ANO10: variants seen among roughly 807,000 people sequenced by gnomAD.
ANO10 encodes the protein anoctamin 10.
ANO10 carries 77 observed loss-of-function variants against 74.7 expected under a neutral mutation model. The ratio of observed to expected loss-of-function variants is 1.03; its 90% CI spans 0.86 to 1.25. ANO10 has a LOEUF of 1.25. Among genes scored for constraint, ANO10 ranks in the 50% most tolerant of loss-of-function variants. The pLI is 0.00. For synonymous variants in ANO10, 279 were observed against 284.9 expected (o/e 0.98, Z 0.21); for missense variants, 721 against 778.1 (o/e 0.93, Z 0.87).
intron 8 of ANO10, among the ~76,000 whole-genome samples, chr3:43,563,639 G>A (rs1317726808): frequency 6.6e-6 from 1 of 152,094 alleles, no homozygotes; most frequent in African/African-American, 2.4e-5. Context: ...GGAAAATGTG[G>A]TATATATACA....
At chr3:43,529,904 A>G (rs1232772433) in intron 11 of ANO10, among the ~76,000 whole-genome samples, 1 of 152,174 alleles carries the variant, frequency 6.6e-6, no homozygotes, top group Admixed American at 6.5e-5. Context: ...ACATAAAATA[A>G]TATGATAAAG....
At chr3:43,385,826 T>C (rs961923550) in intron 12 of ANO10, among the ~76,000 whole-genome samples, 14 of 151,744 alleles carry the variant, frequency 9.2e-5, no homozygotes, top group Admixed American at 3.3e-4. Flanking sequence ...AGTGCTCAGG[T>C]GATGGGTGCA....
At chr3:43,524,950 T>C (rs1475754352) in intron 11 of ANO10, among the ~76,000 whole-genome samples, 1 of 152,102 alleles carries the variant, frequency 6.6e-6, no homozygotes, top group South Asian at 2.1e-4. Context: ...ACCACTGCAG[T>C]TACCACCTAA....
chr3:43,679,710 T>C (rs1470188740), intron 1 of ANO10, among the ~76,000 whole-genome samples: 1 of 152,154 alleles, frequency 6.6e-6, no homozygotes, highest in Admixed American at 6.5e-5. Context: ...AGACTGTCAC[T>C]TCACACGGCC....
intron 11 of ANO10, among the ~76,000 whole-genome samples, chr3:43,515,394 A>ACT (rs2077669161): frequency 6.6e-6 from 1 of 152,136 alleles, no homozygotes; most frequent in South Asian, 2.1e-4. Context: ...GTAGCCCAGC[A>ACT]CTCACATCAT....
intron 12 of ANO10, among the ~76,000 whole-genome samples, chr3:43,403,331 C>T (rs189611791): frequency 6.6e-6 from 1 of 152,366 alleles, no homozygotes; most frequent in East Asian, 1.9e-4. Context: ...TTTCTCCTTC[C>T]TCCACACTGG....
At chr3:43,500,745 A>G (rs1416032439) in intron 11 of ANO10, among the ~76,000 whole-genome samples, 1 of 152,182 alleles carries the variant, frequency 6.6e-6, no homozygotes. Flanking sequence ...CACAAACACA[A>G]CCATTACAGA....
intron 11 of ANO10, among the ~76,000 whole-genome samples, chr3:43,481,607 A>C (rs776132206): frequency 4.6e-5 from 7 of 152,158 alleles, no homozygotes; most frequent in Non-Finnish European, 8.8e-5. Context: ...GACTGACAGA[A>C]ATGATAGGAA....
chr3:43,681,842 C>T (rs1272907022), intron 1 of ANO10, among the ~76,000 whole-genome samples: 3 of 152,030 alleles, frequency 2.0e-5, no homozygotes, highest in South Asian at 2.1e-4. Flanking sequence ...GGGTACATAA[C>T]GAAATGAAGG....
chr3:43,412,339 C>T lies in ANO10; in HGVS notation c.1914+20272G>A, dbSNP rs76947522. ...GATATCAGAGGCAGATCAGGAATGC[C>T]GATGCAGTCGGTTTTAGGAGAATGA... On this transcript the variant is annotated intron_variant, in intron 12 of 12. Coordinates refer to ENST00000292246, the MANE Select transcript of ANO10 (RefSeq NM_018075.5). 5.9e-3 allele frequency among the ~76,000 whole-genome samples: 901 copies of T among 152,122 alleles called. 5 individuals are homozygous for T. Among genetic ancestry groups the T allele is most frequent in the African/African-American group, 0.02 (848 of 41,484 alleles).
At chr3:43,605,921 T>A in intron 1 of ANO10, 58 bp from the exon 2 acceptor site, 1 of 1,565,274 alleles carries the variant, frequency 6.4e-7, no homozygotes. Flanking sequence ...AAGAGAAATA[T>A]GCTATAGACT....
At chr3:43,369,062 A>G (rs939943702) in intron 12 of ANO10, among the ~76,000 whole-genome samples, 28 of 57,398 alleles carry the variant, frequency 4.9e-4, no homozygotes, top group African/African-American at 7.4e-4. Context: ...CACAGTAGCC[A>G]GGGTGGATGG....
At chr3:43,544,555 G>C (rs1157964512) in intron 11 of ANO10, among the ~76,000 whole-genome samples, 1 of 152,228 alleles carries the variant, frequency 6.6e-6, no homozygotes, top group East Asian at 1.9e-4. Flanking sequence ...CACTTTGGGA[G>C]GCTGAGGCAG....
intron 12 of ANO10, among the ~76,000 whole-genome samples, chr3:43,404,158 G>T (rs1449281647): frequency 6.6e-6 from 1 of 152,176 alleles, no homozygotes; most frequent in African/African-American, 2.4e-5. Context: ...TTAAAAGAGG[G>T]CCTCAGCTGT....
At chr3:43,683,419 G>A (rs1188918914) in intron 1 of ANO10, among the ~76,000 whole-genome samples, 1 of 152,142 alleles carries the variant, frequency 6.6e-6, no homozygotes, top group Non-Finnish European at 1.5e-5. Context: ...ACTGCTCAAT[G>A]AAACAAAAGA....
intron 12 of ANO10, among the ~76,000 whole-genome samples, chr3:43,372,160 C>T (rs956343660): frequency 6.6e-6 from 1 of 152,170 alleles, no homozygotes; most frequent in Non-Finnish European, 1.5e-5. Context: ...CCCAGCCAGC[C>T]TTTCTCCCAG....
intron 1 of ANO10, chr3:43,638,658 G>C (rs1394731738): frequency 6.6e-6 from 1 of 152,218 alleles, no homozygotes; most frequent in East Asian, 1.9e-4. Flanking sequence ...GCACTCACTG[G>C]GTAGGAAGTT....
At chr3:43,478,970 T>C (rs1361141363) in intron 11 of ANO10, among the ~76,000 whole-genome samples, 3 of 152,250 alleles carry the variant, frequency 2.0e-5, no homozygotes, top group Admixed American at 6.5e-5. Context: ...TTAGAAACTA[T>C]AGTGAACCAT....
At chr3:43,689,682 T>TATTC (rs2084325758) in intron 1 of ANO10, among the ~76,000 whole-genome samples, 1 of 152,202 alleles carries the variant, frequency 6.6e-6, no homozygotes, top group Admixed American at 6.5e-5. Flanking sequence ...ATTTAAAAGC[T>TATTC]GTAACAATTA....
Sources: allele counts gnomAD v4.1 joint callset (sites outside exome capture counted in the v4.1 genomes callset), GRCh38; gene constraint gnomAD v4.1.1; transcripts MANE v1.5; gene names NCBI Gene and HGNC (gene_info 2026-07-23, HGNC 2026-07-21).